KIAA1217: variants seen among roughly 807,000 people sequenced by gnomAD.
The protein encoded by KIAA1217 is sickle tail protein homolog.
Under a neutral mutation model 163.9 loss-of-function variants are expected in KIAA1217, and 88 were observed. That is an observed-to-expected ratio of 0.54 (90% confidence interval 0.45 to 0.64). KIAA1217 has a LOEUF of 0.64. KIAA1217 is among the 30% of genes least tolerant of loss of function. The probability of loss-of-function intolerance (pLI) is 0.00; values close to 1 mark genes in which losing one functional copy is unlikely to be tolerated. For missense variants in KIAA1217, 2,372 were observed against 2,475.0 expected (o/e 0.96, Z 0.88); for synonymous variants, 903 against 923.1 (o/e 0.98, Z 0.39).
chr10:24,141,101 C>T (rs1158942853), intron 2 of KIAA1217, among the ~76,000 whole-genome samples: 1 of 151,980 alleles, frequency 6.6e-6, no homozygotes, highest in Non-Finnish European at 1.5e-5. Context: ...ACTTTCTTTC[C>T]TCCAGCATCT....
intron 2 of KIAA1217, among the ~76,000 whole-genome samples, chr10:24,345,851 T>TA (rs1002347228): frequency 2.4e-4 from 36 of 152,174 alleles, no homozygotes; most frequent in African/African-American, 8.4e-4. Context: ...CTTAACCATT[T>TA]TAAAGCGTAC....
intron 5 of KIAA1217, among the ~76,000 whole-genome samples, chr10:24,446,596 C>A (rs1245965134): frequency 2.0e-5 from 3 of 152,096 alleles, no homozygotes; most frequent in South Asian, 2.1e-4. Context: ...AGAAAACACT[C>A]CTAGCTGATA....
intron 2 of KIAA1217, among the ~76,000 whole-genome samples, chr10:24,196,129 G>T (rs2066976842): frequency 9.3e-6 from 1 of 107,020 alleles, no homozygotes; most frequent in East Asian, 2.9e-4. Flanking sequence ...GTGAGACCCT[G>T]TCTCAAAACA....
chr10:24,380,213 G>T (rs1254569565), intron 2 of KIAA1217, among the ~76,000 whole-genome samples: 1 of 152,124 alleles, frequency 6.6e-6, no homozygotes, highest in African/African-American at 2.4e-5. Context: ...AGTCCCATCT[G>T]TTGTGAAAGC....
chr10:23,824,658 A>AAAT lies in KIAA1217; in HGVS notation c.-321+129425_-321+129426insATA, dbSNP rs1837805755. On this transcript the variant is annotated intron_variant, in intron 1 of 18. Coordinates refer to the KIAA1217 transcript ENST00000376462. ...AAAAAAAAAAAAAAAAAATAAAAAA[A>AAAT]ATATATATATATATATATATATATG... 3.5e-3 allele frequency among the ~76,000 whole-genome samples: 184 copies of AAAT among 52,990 alleles called. 3 individuals are homozygous for AAAT. The highest frequency in any genetic ancestry group is 8.5e-3 in the East Asian group (16 of 1,886). 34.8% of individuals were successfully genotyped at this position (52,990 alleles called of 152,430 possible). A position where few individuals can be genotyped will look rare whatever the true frequency, so the allele number is the denominator to read the frequency against.
chr10:24,222,556 G>A (rs1017486149), intron 2 of KIAA1217, among the ~76,000 whole-genome samples: 9 of 152,022 alleles, frequency 5.9e-5, no homozygotes, highest in Admixed American at 1.3e-4. Flanking sequence ...GTACAGTGGC[G>A]CAATCTTGGC....
rs143903001 is a variant in KIAA1217, at chr10:23,950,482, G to C, written c.-320-56743G>C. On this transcript the variant is annotated intron_variant, in intron 1 of 18. Coordinates refer to the KIAA1217 transcript ENST00000376462. ...ACATAAACGACTCAATCACAGACAG[G>C]GATACGGGAGGGGAAAAAAAAACAC... Among the ~76,000 whole-genome samples the C allele has an allele frequency of 1.5e-3, 172 of 115,118 alleles. 4 individuals carry two copies. The East Asian group carries it at 0.029, about 19-fold the overall frequency. The allele number at this position is 115,118 out of a possible 152,430, so 75.5% of individuals were successfully genotyped here. A position where few individuals can be genotyped will look rare whatever the true frequency, so the allele number is the denominator to read the frequency against.
intron 1 of KIAA1217, among the ~76,000 whole-genome samples, chr10:23,892,758 A>G (rs781397676): frequency 5.3e-5 from 8 of 151,948 alleles, no homozygotes; most frequent in Non-Finnish European, 1.5e-5. Flanking sequence ...CACTATAAAC[A>G]AAAGGAAAGA....
Position 24,110,600 on chromosome 10 carries a change from T to TAA in KIAA1217, c.-171+103242_-171+103243dup, listed in dbSNP as rs11452842. Among the ~76,000 whole-genome samples the TAA allele has an allele frequency of 1.7e-3, 244 of 140,362 alleles. 1 individual carries two copies. The highest frequency in any genetic ancestry group is 3.6e-3 in the Middle Eastern group (1 of 274). 92.1% of individuals were successfully genotyped at this position (140,362 alleles called of 152,430 possible). ...TGGCCTTGATTCCTTCTGTGGGCCT[T>TAA]AAAAAAAAAAAAAAAAACTCAAAAT... On this transcript the variant is annotated intron_variant, in intron 2 of 18. Transcript: ENST00000376462.
intron 1 of KIAA1217, among the ~76,000 whole-genome samples, chr10:23,841,642 T>C (rs1838788423): frequency 6.6e-6 from 1 of 151,968 alleles, no homozygotes. Context: ...TCAAAAATAA[T>C]AGCTTCTGTT....
chr10:24,157,668 A>T (rs547453676), intron 2 of KIAA1217, among the ~76,000 whole-genome samples: 1 of 152,354 alleles, frequency 6.6e-6, no homozygotes, highest in East Asian at 1.9e-4. Flanking sequence ...ACACAAAAAA[A>T]ATTTTCAACA....
chr10:23,809,510 AAAG>A (rs1270080214), intron 1 of KIAA1217, among the ~76,000 whole-genome samples: 6 of 152,052 alleles, frequency 3.9e-5, no homozygotes, highest in African/African-American at 1.4e-4. Flanking sequence ...AAGAAGAAAA[AAAG>A]GAAAAGCAAG....
At chr10:23,742,054 T>C (rs1839149999) in intron 1 of KIAA1217, among the ~76,000 whole-genome samples, 1 of 152,148 alleles carries the variant, frequency 6.6e-6, no homozygotes, top group African/African-American at 2.4e-5. Context: ...AGGGCTAATG[T>C]AATGGTGGCG....
chr10:24,448,187 T>A (rs1211415792), intron 5 of KIAA1217, among the ~76,000 whole-genome samples: 1 of 152,102 alleles, frequency 6.6e-6, no homozygotes, highest in African/African-American at 2.4e-5. Flanking sequence ...AAAAATCTGC[T>A]TTGTCAGATT....
chr10:23,975,449 A>T (rs1291150459), intron 1 of KIAA1217, among the ~76,000 whole-genome samples: 1 of 152,244 alleles, frequency 6.6e-6, no homozygotes, highest in Non-Finnish European at 1.5e-5. Flanking sequence ...TAAATGAGAA[A>T]CACCAAATTT....
intron 5 of KIAA1217, among the ~76,000 whole-genome samples, chr10:24,463,450 G>T (rs2062632421): frequency 6.6e-6 from 1 of 152,188 alleles, no homozygotes; most frequent in Non-Finnish European, 1.5e-5. Context: ...CTGTCTGTCT[G>T]TCTCATGTCT....
chr10:24,004,361 C>T (rs1408518809), intron 1 of KIAA1217, among the ~76,000 whole-genome samples: 1 of 152,038 alleles, frequency 6.6e-6, no homozygotes, highest in Non-Finnish European at 1.5e-5. Flanking sequence ...TAAAAAAACC[C>T]ACAGACTGAT....
chr10:24,312,152 G>A (rs76802248), intron 2 of KIAA1217, among the ~76,000 whole-genome samples: 3,349 of 152,262 alleles, frequency 0.022, 127 homozygotes, highest in African/African-American at 0.076. Context: ...CTCTCTCCCT[G>A]AGCCTTTCAG....
rs541318170 is a variant in KIAA1217 at position 24,227,846 on chromosome 10, A to C, written c.354+7937A>C. On this transcript the variant is annotated intron_variant, in intron 2 of 20. Coordinates refer to ENST00000376454, the MANE Select transcript of KIAA1217 (RefSeq NM_019590.5). Reference sequence around the variant, plus strand: ...TGCGCCCGGCCAATATGAGCATTTGAAACAGGGTCAGTGAGGCCAAGAGGT... The same window carrying C: ...TGCGCCCGGCCAATATGAGCATTTGCAACAGGGTCAGTGAGGCCAAGAGGT... 2.6e-5 allele frequency among the ~76,000 whole-genome samples: 4 copies of C among 152,224 alleles called. No homozygotes were observed. In the South Asian group the frequency reaches 6.2e-4, roughly 24 times the overall value.
Sources: gnomAD v4.1 joint callset for allele counts (sites outside exome capture counted in the v4.1 genomes callset) on GRCh38, gnomAD v4.1.1 for gene constraint, MANE v1.5 for transcripts, NCBI Gene and HGNC (gene_info 2026-07-23, HGNC 2026-07-21) for gene names.